The following NARS2 variants were observed in gnomAD, a reference collection of about 807,000 sequenced individuals.
NARS2 encodes asparaginyl-tRNA synthetase 2, mitochondrial.
NARS2 carries 60 observed loss-of-function variants against 62.9 expected under a neutral mutation model. The ratio of observed to expected loss-of-function variants is 0.95; its 90% CI spans 0.77 to 1.18. The LOEUF is 1.18. Ranked by LOEUF, NARS2 falls within the 50% of genes most tolerant of loss-of-function variation. The pLI, the probability that NARS2 is intolerant of heterozygous loss-of-function variation, is 0.00. For synonymous variants in NARS2, 196 were observed against 200.0 expected, an observed-to-expected ratio of 0.98 and a Z score of 0.17; for missense variants, 619 against 576.4, an observed-to-expected ratio of 1.07 and a Z score of -0.76.
chr11:78,480,022 C>A (rs1859278107), intron 7 of NARS2, among the ~76,000 whole-genome samples: 1 of 152,164 alleles, frequency 6.6e-6, no homozygotes, highest in African/African-American at 2.4e-5. Context: ...CCTCAGCCAA[C>A]TGAGTAACTG....
intron 2 of NARS2, among the ~76,000 whole-genome samples, chr11:78,569,132 A>AT (rs397696877): frequency 3.3e-5 from 5 of 150,882 alleles, no homozygotes; most frequent in African/African-American, 7.4e-5. Context: ...TTAAAAAAAA[A>AT]TTTTTTTTTA....
chr11:78,562,127 T>C (rs540120480), intron 4 of NARS2, among the ~76,000 whole-genome samples: 38 of 152,078 alleles, frequency 2.5e-4, no homozygotes, highest in Non-Finnish European at 5.0e-4. Flanking sequence ...TACACAAAGG[T>C]AAAGAATACT....
intron 7 of NARS2, 130 bp downstream of exon 7, chr11:78,492,933 T>G: frequency 1.4e-6 from 1 of 715,288 alleles, no homozygotes; most frequent in Non-Finnish European, 2.3e-6. Context: ...ATTCAATAAG[T>G]GTTTATTAAG....
intron 9 of NARS2, among the ~76,000 whole-genome samples, chr11:78,477,551 G>C (rs1028189576): frequency 6.6e-6 from 1 of 152,206 alleles, no homozygotes; most frequent in African/African-American, 2.4e-5. Flanking sequence ...ATCCTGGTCT[G>C]TGATGGTTAA....
intron 6 of NARS2, among the ~76,000 whole-genome samples, chr11:78,519,143 T>G (rs1861020499): frequency 6.6e-6 from 1 of 152,182 alleles, no homozygotes; most frequent in South Asian, 2.1e-4. Context: ...TTGTAAAGCT[T>G]TAACTCAGAT....
At chr11:78,570,093 G>C (rs557566850) in intron 2 of NARS2, among the ~76,000 whole-genome samples, 13 of 152,218 alleles carry the variant, frequency 8.5e-5, no homozygotes, top group African/African-American at 2.6e-4. Flanking sequence ...GGGAGACTGA[G>C]GCACGAGAAT....
rs529398422 is a variant in NARS2 at position 78,513,635 on chromosome 11, G to A, written c.689+15207C>T. On this transcript the variant is annotated intron_variant, in intron 6 of 13. Coordinates refer to ENST00000281038, the MANE Select transcript of NARS2 (RefSeq NM_024678.6). ...TCTACTAAATATACAAAAATTAGCC[G>A]GGCGTAGTGGTGGGCGCCTGTAATC... Among the ~76,000 whole-genome samples, 56 of 151,438 alleles carry A rather than the reference G, an allele frequency of 3.7e-4. No individual in the cohort carries two copies. The South Asian group carries it at 4.8e-3, about 13-fold the overall frequency.
At chr11:78,560,999 G>C (rs751777111) in intron 4 of NARS2, among the ~76,000 whole-genome samples, 5 of 152,084 alleles carry the variant, frequency 3.3e-5, no homozygotes, top group Non-Finnish European at 7.4e-5. Flanking sequence ...AGGTGGAGAG[G>C]GAGGAGAAAA....
intron 5 of NARS2, among the ~76,000 whole-genome samples, chr11:78,548,991 A>G (rs1855984710): frequency 6.6e-6 from 1 of 152,182 alleles, no homozygotes; most frequent in Non-Finnish European, 1.5e-5. Context: ...CCCCCCAATT[A>G]GAGCCAAGAT....
intron 9 of NARS2, 108 bp from the exon 10 acceptor site, chr11:78,469,421 T>C (rs1565218764): frequency 2.6e-6 from 2 of 759,374 alleles, no homozygotes; most frequent in Non-Finnish European, 4.6e-6. Flanking sequence ...TGTGAGGTCA[T>C]GAATAATCAG....
chr11:78,566,272 C>T lies in NARS2; in HGVS notation c.373G>A (p.Asp125Asn). The T allele has an allele frequency of 6.4e-7, 1 of 1,572,602 alleles. No homozygotes were observed. The highest frequency in any genetic ancestry group is 8.6e-7 in the Non-Finnish European group (1 of 1,158,608). ...IKVIGNCDAK[D>N]FPIKYKERHP... Reference sequence around the variant, plus strand: ...CTCTCTTTATATTTGATGGGGAAATCCTGCCAATAAATGAAAAGAACAAAT... The same window carrying T: ...CTCTCTTTATATTTGATGGGGAAATTCTGCCAATAAATGAAAAGAACAAAT... The change falls in exon 4 of 14, where the codon GAT becomes AAT. Residue 125 changes from aspartate to asparagine, a missense_variant and splice_region_variant. Physicochemically the swap from Asp to Asn is conservative, Grantham distance 23. Transcript: ENST00000281038.
In NARS2 at chr11:78,469,322, A is replaced by G; in HGVS notation, c.960-9T>C. On this transcript the variant is annotated splice_polypyrimidine_tract_variant and intron_variant, in intron 9 of 13. Transcript: ENST00000281038. ...CTTCAGTATAAGAAATGCTGGAGGA[A>G]AACAGGATACAAGCAGAGAAAAGTC... The G allele has an allele frequency of 6.2e-7, 1 of 1,610,700 alleles. No individual in the cohort carries two copies. Among genetic ancestry groups the G allele is most frequent in the Non-Finnish European group, 8.5e-7 (1 of 1,177,056 alleles).
At chr11:78,562,992 C>T (rs749791577) in intron 4 of NARS2, among the ~76,000 whole-genome samples, 1 of 152,114 alleles carries the variant, frequency 6.6e-6, no homozygotes, top group Non-Finnish European at 1.5e-5. Flanking sequence ...ATAACTATTA[C>T]TTAATATGCC....
intron 9 of NARS2, among the ~76,000 whole-genome samples, chr11:78,469,537 G>C (rs1051846236): frequency 6.6e-6 from 1 of 152,222 alleles, no homozygotes; most frequent in African/African-American, 2.4e-5. Flanking sequence ...AGTGAAGCTA[G>C]TCACTTAAGC....
rs376010721 is a variant in NARS2 at position 78,559,622 on chromosome 11, G to A, written c.514-3C>T. The A allele has an allele frequency of 6.1e-5, 97 of 1,599,452 alleles. No homozygotes were observed. The Middle Eastern group carries it at 6.7e-4, about 11-fold the overall frequency. On this transcript the variant is annotated splice_region_variant and splice_polypyrimidine_tract_variant and intron_variant, in intron 4 of 13. Coordinates refer to ENST00000281038, the MANE Select transcript of NARS2 (RefSeq NM_024678.6). ...TGAATATGTACAAAGCCACTGTCCTGAAAAAGAAAACCACTGTTTTCAGGA... is the reference window on the plus strand; with the variant it reads ...TGAATATGTACAAAGCCACTGTCCTAAAAAAGAAAACCACTGTTTTCAGGA...
intron 9 of NARS2, among the ~76,000 whole-genome samples, chr11:78,477,039 G>A (rs544508073): frequency 1.8e-4 from 27 of 152,282 alleles, no homozygotes; most frequent in African/African-American, 6.3e-4. Context: ...ACTGATGTAT[G>A]TAAATTTTAT....
chr11:78,481,373 A>G (rs920641717), intron 7 of NARS2, among the ~76,000 whole-genome samples: 16 of 152,216 alleles, frequency 1.1e-4, no homozygotes, highest in African/African-American at 3.9e-4. Flanking sequence ...ACTAAGTAAC[A>G]TAATGATTTA....
rs1319539089 is a variant in NARS2 at position 78,441,080 on chromosome 11, C to G, written c.1289+11G>C. On this transcript the variant is annotated intron_variant, in intron 13 of 13. Coordinates refer to ENST00000281038, the MANE Select transcript of NARS2 (RefSeq NM_024678.6). Reference sequence around the variant, plus strand: ...AGCTAGAGTAAGAATTATTAGGGGCCACATTCTTACCATTGGTAGACTTCT... The same window carrying G: ...AGCTAGAGTAAGAATTATTAGGGGCGACATTCTTACCATTGGTAGACTTCT... 1.2e-6 allele frequency: 2 copies of G among 1,611,108 alleles called. No homozygotes were observed. The highest frequency in any genetic ancestry group is 1.7e-6 in the Non-Finnish European group (2 of 1,178,478).
At chr11:78,450,661 C>CTTTTTTTTTTTT (rs1565206036) in intron 11 of NARS2, among the ~76,000 whole-genome samples, 1 of 146,052 alleles carries the variant, frequency 6.8e-6, no homozygotes, top group African/African-American at 2.6e-5. Flanking sequence ...CCACAAAAGC[C>CTTTTTTTTTTTT]TTGTCTTTTT....
Sources: gnomAD v4.1 joint callset for allele counts (sites outside exome capture counted in the v4.1 genomes callset) on GRCh38, gnomAD v4.1.1 for gene constraint, MANE v1.5 for transcripts, NCBI Gene and HGNC (gene_info 2026-07-23, HGNC 2026-07-21) for gene names.